RANBP2: variants seen among roughly 807,000 people sequenced by gnomAD.
RANBP2 encodes RAN binding protein 2.
A neutral mutation model predicts 303.6 loss-of-function variants in RANBP2; 57 were observed. The observed-to-expected ratio is 0.19, with a 90% confidence interval of 0.15 to 0.23. RANBP2 has a LOEUF of 0.23. Among genes scored for constraint, RANBP2 ranks in the 10% least tolerant of loss-of-function variants. RANBP2 has a pLI of 1.00. For synonymous variants in RANBP2, 1,167 were observed against 1,301.5 expected (o/e 0.90, Z 2.23); for missense variants, 3,138 against 3,780.8 (o/e 0.83, Z 4.46).
the RANBP2 span, among the ~76,000 whole-genome samples, chr2:109,425,047 A>G: frequency 1.3e-5 from 2 of 152,268 alleles, no homozygotes; most frequent in African/African-American, 4.8e-5. Context: ...CACGAATTAT[A>G]AGAAAGTGAA....
the RANBP2 span, among the ~76,000 whole-genome samples, chr2:109,284,978 G>A: frequency 1.3e-5 from 2 of 152,258 alleles, no homozygotes; most frequent in African/African-American, 4.8e-5. Flanking sequence ...CAGAAGTGAA[G>A]TCAATGTGGG....
chr2:108,732,052 A>G (rs537778653), intron 4 of RANBP2, among the ~76,000 whole-genome samples: 1 of 152,300 alleles, frequency 6.6e-6, no homozygotes, highest in African/African-American at 2.4e-5. Context: ...CTACACAAAT[A>G]TGTTTGGCAA....
chr2:108,748,109 A>G (rs1696650350), intron 8 of RANBP2, among the ~76,000 whole-genome samples: 2 of 152,092 alleles, frequency 1.3e-5, no homozygotes, highest in South Asian at 4.1e-4. Context: ...CATCTGTGTT[A>G]TAGCATGTAT....
At chr2:109,499,060 T>G in the RANBP2 span, among the ~76,000 whole-genome samples, 2 of 152,130 alleles carry the variant, frequency 1.3e-5, no homozygotes, top group Non-Finnish European at 2.9e-5. Context: ...TCTGAGCCTT[T>G]GCCCAAAAGG....
chr2:109,082,226 T>C, the RANBP2 span, among the ~76,000 whole-genome samples: 1 of 152,276 alleles, frequency 6.6e-6, no homozygotes, highest in East Asian at 1.9e-4. Context: ...GTAGCAGCTC[T>C]GACCCAAGGT....
chr2:109,378,122 C>T, the RANBP2 span, among the ~76,000 whole-genome samples: 1 of 152,210 alleles, frequency 6.6e-6, no homozygotes, highest in Non-Finnish European at 1.5e-5. Context: ...ATGAGAGCCA[C>T]AAGGGAAGTA....
rs1677523126 is a variant in RANBP2, at chr2:108,771,856, G to A, written c.8005G>A (p.Glu2669Lys). ...CYKNRPDYVS[E>K]EEEDDEDFET... ...CAAGAATAGACCAGATTATGTTAGT[G>A]AAGAAGAGGAGGATGGTAAAACTTT... The change falls in exon 21 of 29, where the codon GAA becomes AAA. Residue 2669 changes from glutamate to lysine, a missense_variant. This residue lies in a region of RANBP2 where 497 missense variants were observed against 465.8 expected (regional missense o/e 1.07). Transcript: ENST00000283195. 6.2e-7 allele frequency: 1 copy of A among 1,613,990 alleles called. No individual in the cohort carries two copies.
chr2:108,841,220 C>T, the RANBP2 span, among the ~76,000 whole-genome samples: 4 of 152,174 alleles, frequency 2.6e-5, no homozygotes, highest in African/African-American at 9.6e-5. Flanking sequence ...TGTTTTATGG[C>T]TGAGAATATG....
At chr2:109,474,617 G>A in the RANBP2 span, among the ~76,000 whole-genome samples, 100 of 152,324 alleles carry the variant, frequency 6.6e-4, no homozygotes, top group African/African-American at 2.4e-3. Context: ...GGCAGGGGGG[G>A]AGAACGCAGG....
the RANBP2 span, among the ~76,000 whole-genome samples, chr2:109,730,228 C>A: frequency 2.0e-5 from 3 of 152,160 alleles, no homozygotes; most frequent in Non-Finnish European, 2.9e-5. Flanking sequence ...GAGAAAGAGA[C>A]ACCTTATTGT....
chr2:109,332,000 G>A, the RANBP2 span, among the ~76,000 whole-genome samples: 22 of 152,282 alleles, frequency 1.4e-4, no homozygotes, highest in African/African-American at 4.6e-4. Flanking sequence ...CGTGGATGCC[G>A]GCTGAGCCTG....
At chr2:108,726,550 C>T (rs1262037999) in intron 1 of RANBP2, among the ~76,000 whole-genome samples, 4 of 151,724 alleles carry the variant, frequency 2.6e-5, no homozygotes, top group Admixed American at 6.6e-5. Context: ...GGCTTTCTTC[C>T]TGGCTTATAG....
the RANBP2 span, among the ~76,000 whole-genome samples, chr2:109,077,086 G>A: frequency 6.7e-6 from 1 of 150,314 alleles, no homozygotes; most frequent in Non-Finnish European, 1.5e-5. Flanking sequence ...ATAAGCTCAC[G>A]AAAATATGGC....
the RANBP2 span, among the ~76,000 whole-genome samples, chr2:108,939,863 T>C: frequency 6.6e-6 from 1 of 152,188 alleles, no homozygotes; most frequent in South Asian, 2.1e-4. Context: ...CAGCCATTCC[T>C]GTTGGATCTG....
In RANBP2 at chr2:108,747,089, T is replaced by C. The variant is rs372080312; in HGVS notation, c.1063+291T>C. 3.3e-5 allele frequency among the ~76,000 whole-genome samples: 5 copies of C among 152,336 alleles called. No homozygotes were observed. In the East Asian group the frequency reaches 9.6e-4, roughly 29 times the overall value. On this transcript the variant is annotated intron_variant, in intron 8 of 28. Transcript: ENST00000283195. ...ATTTAGTCACTTCCTGAACTAAGTA[T>C]AATTATTGGTTTGCCAACCATTTAA...
chr2:109,472,062 C>T, the RANBP2 span, among the ~76,000 whole-genome samples: 4 of 152,202 alleles, frequency 2.6e-5, no homozygotes, highest in African/African-American at 9.6e-5. Flanking sequence ...GACATCTCAG[C>T]TTCTTTCAAA....
At chr2:109,456,559 G>A in the RANBP2 span, among the ~76,000 whole-genome samples, 4 of 152,230 alleles carry the variant, frequency 2.6e-5, no homozygotes, top group African/African-American at 9.6e-5. Context: ...CTGAGCAGAG[G>A]TCAGTGGTGG....
chr2:109,132,696 G>A, the RANBP2 span, among the ~76,000 whole-genome samples: 9 of 152,324 alleles, frequency 5.9e-5, no homozygotes, highest in Admixed American at 3.9e-4. Context: ...AAACAGTCCT[G>A]TTTTAATGGT....
chr2:108,968,850 C>T, the RANBP2 span, among the ~76,000 whole-genome samples: 2 of 152,200 alleles, frequency 1.3e-5, no homozygotes, highest in Admixed American at 1.3e-4. Context: ...CTTCACTCTG[C>T]TATGCACTAT....
Sources: allele counts gnomAD v4.1 joint callset (sites outside exome capture counted in the v4.1 genomes callset), GRCh38; gene constraint gnomAD v4.1.1; regional missense constraint gnomAD v4.1.1; transcripts MANE v1.5; gene names NCBI Gene and HGNC (gene_info 2026-07-23, HGNC 2026-07-21).